PDE8B: variants seen among roughly 807,000 people sequenced by gnomAD.
PDE8B encodes the protein high affinity cAMP-specific and IBMX-insensitive 3',5'-cyclic phosphodiesterase 8B.
A neutral mutation model predicts 101.3 loss-of-function variants in PDE8B; 26 were observed. The ratio of observed to expected loss-of-function variants is 0.26; its 90% confidence interval spans 0.19 to 0.36. PDE8B has a LOEUF of 0.36. Among genes scored for constraint, PDE8B ranks in the 10% least tolerant of loss-of-function variants. The pLI is 1.00. For synonymous variants in PDE8B, 424 were observed against 429.3 expected (o/e 0.99, Z 0.15); for missense variants, 810 against 1,163.1 (o/e 0.70, Z 4.42).
At chr5:77,175,859 AT>A in the PDE8B span, among the ~76,000 whole-genome samples, 2 of 152,228 alleles carry the variant, frequency 1.3e-5, no homozygotes, top group African/African-American at 4.8e-5. Flanking sequence ...GTATATCTAT[AT>A]ATATAGATAC....
chr5:77,241,258 T>A (rs1390442328), intron 1 of PDE8B, among the ~76,000 whole-genome samples: 2 of 152,220 alleles, frequency 1.3e-5, no homozygotes, highest in African/African-American at 4.8e-5. Flanking sequence ...CAAATATGTA[T>A]TCAAATGCTT....
the PDE8B span, among the ~76,000 whole-genome samples, chr5:77,125,737 G>T: frequency 6.6e-6 from 1 of 152,282 alleles, no homozygotes; most frequent in Non-Finnish European, 1.5e-5. Flanking sequence ...CCATTAATAT[G>T]AAGTACTTAC....
the PDE8B span, among the ~76,000 whole-genome samples, chr5:77,166,167 C>T: frequency 2.7e-5 from 4 of 146,116 alleles, no homozygotes; most frequent in Non-Finnish European, 6.0e-5. Context: ...CTGCCCTGGG[C>T]CTGTCCTGGC....
chr5:77,092,016 A>T, the PDE8B span, among the ~76,000 whole-genome samples: 8 of 152,370 alleles, frequency 5.3e-5, no homozygotes, highest in East Asian at 1.5e-3. Context: ...GTGAAAAATT[A>T]TATAAGAGGA....
intron 1 of PDE8B, among the ~76,000 whole-genome samples, chr5:77,298,063 A>T (rs1167530796): frequency 2.6e-5 from 4 of 152,184 alleles, no homozygotes; most frequent in Non-Finnish European, 4.4e-5. Context: ...TATCTGGCAC[A>T]TAATAGATGC....
intron 1 of PDE8B, among the ~76,000 whole-genome samples, chr5:77,246,340 C>G (rs939653074): frequency 3.3e-5 from 5 of 152,062 alleles, no homozygotes; most frequent in African/African-American, 1.2e-4. Context: ...TTAGGTTGTT[C>G]GTGGGGACTC....
At chr5:77,403,270 T>G in intron 11 of PDE8B, among the ~76,000 whole-genome samples, 1 of 152,214 alleles carries the variant, frequency 6.6e-6, no homozygotes, top group South Asian at 2.1e-4. Flanking sequence ...TTTAAATGTT[T>G]GCCTGCCCCC....
chr5:77,103,770 T>C, the PDE8B span, among the ~76,000 whole-genome samples: 9 of 152,210 alleles, frequency 5.9e-5, no homozygotes, highest in African/African-American at 1.9e-4. Flanking sequence ...TCTTGGATTC[T>C]GTTCTGCTGT....
At chr5:77,312,519 C>T (rs1482109782) in intron 2 of PDE8B, among the ~76,000 whole-genome samples, 1 of 152,202 alleles carries the variant, frequency 6.6e-6, no homozygotes, top group Non-Finnish European at 1.5e-5. Context: ...CAAAACTAGT[C>T]TGCTCCACAT....
intron 2 of PDE8B, among the ~76,000 whole-genome samples, chr5:77,324,307 G>T (rs2080262881): frequency 6.6e-6 from 1 of 152,128 alleles, no homozygotes; most frequent in Admixed American, 6.5e-5. Flanking sequence ...TCATTTCTCA[G>T]ATATTTGCTG....
At chr5:77,258,488 T>A (rs1759677293) in intron 1 of PDE8B, among the ~76,000 whole-genome samples, 1 of 152,090 alleles carries the variant, frequency 6.6e-6, no homozygotes, top group Non-Finnish European at 1.5e-5. Context: ...TGATTTAATA[T>A]TTAATCATTA....
chr5:77,316,261 T>C (rs1490586363), intron 2 of PDE8B, among the ~76,000 whole-genome samples: 1 of 152,186 alleles, frequency 6.6e-6, no homozygotes, highest in Non-Finnish European at 1.5e-5. Flanking sequence ...TGAGACAAAG[T>C]CTTGTTCTGT....
chr5:77,144,501 T>A, the PDE8B span: 1 of 152,078 alleles, frequency 6.6e-6, no homozygotes, highest in Non-Finnish European at 1.5e-5. Context: ...CATTTTATAA[T>A]CATTAAAGAT....
chr5:77,342,319 G>A (rs929189021), intron 6 of PDE8B, among the ~76,000 whole-genome samples: 7 of 152,024 alleles, frequency 4.6e-5, no homozygotes, highest in East Asian at 1.9e-4. Context: ...TGTGAAATAC[G>A]TATTATTATC....
chr5:77,276,037 G>A (rs1433027046), intron 1 of PDE8B, among the ~76,000 whole-genome samples: 2 of 152,164 alleles, frequency 1.3e-5, no homozygotes, highest in Admixed American at 6.5e-5. Context: ...CCTGTGTGAC[G>A]AATTGCCTGA....
At chr5:77,220,893 A>G in intron 1 of PDE8B, among the ~76,000 whole-genome samples, 1 of 152,124 alleles carries the variant, frequency 6.6e-6, no homozygotes, top group East Asian at 1.9e-4. Flanking sequence ...GCTAGGGAGG[A>G]AGTGGAGGCA....
At chr5:77,418,511 G>A in intron 18 of PDE8B, 65 bp downstream of exon 18, 1 of 1,116,156 alleles carries the variant, frequency 9.0e-7, no homozygotes, top group Non-Finnish European at 1.3e-6. Context: ...CAAATACTTA[G>A]CTTCCTCTTA....
At position 77,353,330 on chromosome 5, in the gene PDE8B, G is replaced by T; in HGVS notation, c.1107-16G>T. 1.4e-6 allele frequency: 2 copies of T among 1,405,310 alleles called. No homozygotes were observed. The highest frequency in any genetic ancestry group is 2.3e-5 in the South Asian group (2 of 86,834). 87.1% of individuals were successfully genotyped at this position (1,405,310 alleles called of 1,614,324 possible). ...TCTCATATCTGACTCACTAATAACT[G>T]ATTATTTGTTATTAGGAAAATTAGG... is the stretch of plus-strand genomic sequence containing the variant. On this transcript the variant is annotated splice_polypyrimidine_tract_variant and intron_variant, in intron 9 of 21. Coordinates refer to ENST00000264917, the MANE Select transcript of PDE8B (RefSeq NM_003719.5).
chr5:77,253,267 G>A (rs369729796), intron 1 of PDE8B, among the ~76,000 whole-genome samples: 4 of 152,166 alleles, frequency 2.6e-5, no homozygotes, highest in African/African-American at 4.8e-5. Context: ...GTAAAGGATC[G>A]TAGTAATCAA....
Sources: gnomAD v4.1 joint callset for allele counts (sites outside exome capture counted in the v4.1 genomes callset) on GRCh38, gnomAD v4.1.1 for gene constraint, MANE v1.5 for transcripts, NCBI Gene and HGNC (gene_info 2026-07-23, HGNC 2026-07-21) for gene names.